Variants in CDIP1 observed in about 807,000 individuals in gnomAD.
CDIP1 encodes the protein cell death inducing p53 target 1.
A neutral mutation model predicts 17.7 loss-of-function variants in CDIP1; 9 were observed. The ratio of observed to expected loss-of-function variants is 0.51; its 90% CI spans 0.31 to 0.89. The LOEUF is 0.89. Ranked by LOEUF, CDIP1 falls within the 40% of genes least tolerant of loss-of-function variation. The probability of loss-of-function intolerance (pLI) is 0.05; values close to 1 mark genes in which losing one functional copy is unlikely to be tolerated. For synonymous variants in CDIP1, 117 were observed against 109.5 expected (o/e 1.07, Z -0.43); for missense variants, 263 against 277.9 (o/e 0.95, Z 0.38).
intron 1 of CDIP1, among the ~76,000 whole-genome samples, chr16:4,528,111 C>G (rs984741894): frequency 6.6e-6 from 1 of 152,190 alleles, no homozygotes; most frequent in Non-Finnish European, 1.5e-5. Flanking sequence ...GCCACCATGC[C>G]TGGCCAATGA....
chr16:4,538,485 T>C (rs1020797732), intron 1 of CDIP1: 2 of 134,012 alleles, frequency 1.5e-5, no homozygotes, highest in African/African-American at 5.9e-5. Flanking sequence ...CTAGGACTTG[T>C]AGTCCGCCCG....
intron 1 of CDIP1, chr16:4,522,292 G>C (rs1423464644): frequency 6.6e-6 from 1 of 152,296 alleles, no homozygotes; most frequent in African/African-American, 2.4e-5. Context: ...GCCCAAGGTT[G>C]GCAATGCCCC....
At position 4,513,782 on chromosome 16, in the gene CDIP1, G is replaced by T. The variant is rs527596671; in HGVS notation, c.155C>A (p.Pro52Gln). The change falls in exon 4 of 6, where the codon CCA (proline) becomes CAA (glutamine). Residue 52 changes from proline to glutamine, a missense_variant. Transcript: ENST00000567695. This position sits in a 1 kb window ranked among gnomAD's most constrained non-coding sequence, Gnocchi z 4.1. ...MPLPPADIGP[P>Q]PYEPPGHPMP... ...TGGGTGACCCGGCGGCTCATAGGGT[G>T]GGGGGCCAATGTCCGCAGGGGGCAG... is the stretch of plus-strand genomic sequence containing the variant. 2 of 1,607,208 alleles carry T rather than the reference G, an allele frequency of 1.2e-6. No individual in the cohort carries two copies. Among genetic ancestry groups the T allele is most frequent in the Non-Finnish European group, 8.5e-7 (1 of 1,174,906 alleles).
At chr16:4,527,542 C>T (rs2059012715) in intron 1 of CDIP1, among the ~76,000 whole-genome samples, 1 of 143,750 alleles carries the variant, frequency 7.0e-6, no homozygotes, top group South Asian at 2.1e-4. Context: ...TCCTGGCAAA[C>T]CACTCTCACT....
chr16:4,520,822 G>C (rs755544310), intron 1 of CDIP1, among the ~76,000 whole-genome samples: 12 of 152,184 alleles, frequency 7.9e-5, no homozygotes, highest in Non-Finnish European at 1.5e-4. Context: ...TCATTTTCAA[G>C]AAAGTGTATG....
intron 1 of CDIP1, among the ~76,000 whole-genome samples, chr16:4,526,953 G>A (rs754216028): frequency 4.3e-4 from 65 of 151,934 alleles, no homozygotes; most frequent in South Asian, 1.0e-3. Flanking sequence ...TTTCATCTGT[G>A]ATATGGCGGT....
intron 1 of CDIP1, among the ~76,000 whole-genome samples, chr16:4,528,580 G>A (rs924948816): frequency 6.6e-6 from 1 of 150,378 alleles, no homozygotes; most frequent in African/African-American, 2.4e-5. Context: ...TACTTGGGGG[G>A]CTGAAGAGGG....
At chr16:4,523,331 C>G (rs8043603) in intron 1 of CDIP1, among the ~76,000 whole-genome samples, 1 of 151,890 alleles carries the variant, frequency 6.6e-6, no homozygotes, top group African/African-American at 2.4e-5. Context: ...CTGGCCAACA[C>G]GGTGAAACCC....
chr16:4,528,427 G>T (rs563693522), intron 1 of CDIP1, among the ~76,000 whole-genome samples: 1 of 152,196 alleles, frequency 6.6e-6, no homozygotes, highest in East Asian at 1.9e-4. Context: ...TAGGGGATTT[G>T]TTTATATGTA....
chr16:4,535,348 T>C (rs1444647180), intron 1 of CDIP1, among the ~76,000 whole-genome samples: 5 of 152,180 alleles, frequency 3.3e-5, no homozygotes, highest in Non-Finnish European at 5.9e-5. Flanking sequence ...TCAGGAGCAC[T>C]GAAAAGGTGA....
Position 4,514,095 on chromosome 16 carries a change from GC to G in CDIP1, c.35del (p.Gly12AlafsTer24), listed in dbSNP as rs1302040290. On this transcript the variant is annotated frameshift_variant, in exon 3 of 6. Coordinates refer to ENST00000567695, the MANE Select transcript of CDIP1 (RefSeq NM_013399.3). LOFTEE classifies it high-confidence loss of function. This position sits in a 1 kb window ranked among gnomAD's most constrained non-coding sequence, Gnocchi z 5.2. Reference sequence around the variant, plus strand: ...TCTCTTCCAGAAGTGGGGCTGTGGGGCCCCCAGGATAAGGAGGGGGAGGCTC... The same window carrying G: ...TCTCTTCCAGAAGTGGGGCTGTGGGGCCCCAGGATAAGGAGGGGGAGGCTC... ...SSEPPPPYPG[G>X]PTAPLLEEKS... is the part of the protein sequence containing the mutation. The G allele has an allele frequency of 6.5e-7, 1 of 1,542,720 alleles. No individual in the cohort carries two copies. Among genetic ancestry groups the G allele is most frequent in the Non-Finnish European group, 8.7e-7 (1 of 1,155,552 alleles).
At chr16:4,534,704 T>C (rs1215332725) in intron 1 of CDIP1, among the ~76,000 whole-genome samples, 2 of 151,730 alleles carry the variant, frequency 1.3e-5, no homozygotes, top group Non-Finnish European at 2.9e-5. Context: ...TTTTTTTTTT[T>C]TTTTTTTTTG....
rs117269052 is a variant in CDIP1, at chr16:4,513,540, C to G, written c.241+156G>C. On this transcript the variant is annotated intron_variant, in intron 4 of 5. Coordinates refer to ENST00000567695, the MANE Select transcript of CDIP1 (RefSeq NM_013399.3). This position sits in a 1 kb window ranked among gnomAD's most constrained non-coding sequence, Gnocchi z 4.1. ...TCCCACCTTCCCACGTCCACAGTCCCTGTCCACACACAGCCTGAGCCCTAG... is the reference window on the plus strand; with the variant it reads ...TCCCACCTTCCCACGTCCACAGTCCGTGTCCACACACAGCCTGAGCCCTAG... Among the ~76,000 whole-genome samples, 1 of 152,226 alleles carries G rather than the reference C, an allele frequency of 6.6e-6. No individual in the cohort carries two copies. The highest frequency in any genetic ancestry group is 1.5e-5 in the Non-Finnish European group (1 of 68,028).
intron 1 of CDIP1, among the ~76,000 whole-genome samples, chr16:4,515,416 G>T (rs904410406): frequency 1.3e-5 from 2 of 152,210 alleles, no homozygotes; most frequent in African/African-American, 4.8e-5. Flanking sequence ...CGATTAGGCA[G>T]TGGTTTCTTA....
At chr16:4,527,589 A>AG (rs2059013219) in intron 1 of CDIP1, among the ~76,000 whole-genome samples, 1 of 152,218 alleles carries the variant, frequency 6.6e-6, no homozygotes, top group Non-Finnish European at 1.5e-5. Context: ...GCCACAGCAT[A>AG]GTGGATCAGT....
chr16:4,538,133 C>T (rs1178101023), intron 1 of CDIP1, among the ~76,000 whole-genome samples: 1 of 152,202 alleles, frequency 6.6e-6, no homozygotes, highest in Non-Finnish European at 1.5e-5. Flanking sequence ...ACAACCTTCC[C>T]TGACGGAAAA....
chr16:4,525,782 C>G (rs2058993670), intron 1 of CDIP1, among the ~76,000 whole-genome samples: 1 of 152,190 alleles, frequency 6.6e-6, no homozygotes, highest in African/African-American at 2.4e-5. Flanking sequence ...AATGTGTCCC[C>G]TTCTCTGGGA....
At position 4,510,861 on chromosome 16, in the gene CDIP1, G is replaced by A. The variant is rs185879608; in HGVS notation, c.*1711C>T. 2 of 152,358 alleles carry A rather than the reference G, an allele frequency of 1.3e-5. No homozygotes were observed. Among genetic ancestry groups the A allele is most frequent in the East Asian group, 1.9e-4 (1 of 5,184 alleles). 9.4% of individuals were successfully genotyped at this position (152,358 alleles called of 1,614,324 possible). A position where few individuals can be genotyped will look rare whatever the true frequency, so the allele number is the denominator to read the frequency against. On this transcript the variant is annotated 3_prime_UTR_variant, in exon 6 of 6. Transcript: ENST00000567695. ...GCAGAGATGGCCAGGGCCAGAGGTC[G>A]CCCAGAACCTGCGTGTGCAGACTGC...
chr16:4,510,964 G>A lies in CDIP1; in HGVS notation c.*1608C>T, dbSNP rs1182312765. On this transcript the variant is annotated 3_prime_UTR_variant, in exon 6 of 6. Coordinates refer to ENST00000567695, the MANE Select transcript of CDIP1 (RefSeq NM_013399.3). ...GTGCGCCTCCCCAGGGCTGGATGAT[G>A]CTGTGCTCAAGCCTGCGGGTAGGAG... 1 of 152,272 alleles carries A rather than the reference G, an allele frequency of 6.6e-6. No individual in the cohort carries two copies. The highest frequency in any genetic ancestry group is 2.4e-5 in the African/African-American group (1 of 41,452). The allele number at this position is 152,272 out of a possible 1,614,324, so 9.4% of individuals were successfully genotyped here. A position where few individuals can be genotyped will look rare whatever the true frequency, so the allele number is the denominator to read the frequency against.
Sources: gnomAD v4.1 joint callset for allele counts (sites outside exome capture counted in the v4.1 genomes callset) on GRCh38, gnomAD v4.1.1 for gene constraint, Gnocchi (gnomAD v3.1) non-coding constraint, MANE v1.5 for transcripts, NCBI Gene and HGNC (gene_info 2026-07-23, HGNC 2026-07-21) for gene names.